The following NUP93 variants were observed in gnomAD, a reference collection of about 807,000 sequenced individuals.
NUP93 encodes nuclear pore complex protein Nup93.
In NUP93, 55 loss-of-function variants were observed where a neutral mutation model predicts 107.8. The observed-to-expected ratio is 0.51, with a 90% confidence interval of 0.41 to 0.64. The LOEUF (loss-of-function observed/expected upper bound fraction) is 0.64, where lower values mean the gene tolerates loss of function less well. Ranked by LOEUF, NUP93 falls within the 30% of genes least tolerant of loss-of-function variation. NUP93 has a pLI of 0.00. For missense variants in NUP93, 937 were observed against 1,044.7 expected, an observed-to-expected ratio of 0.90 and a Z score of 1.42; for synonymous variants, 390 against 397.5, an observed-to-expected ratio of 0.98 and a Z score of 0.22.
rs371478125 is a variant in NUP93 at position 56,833,406 on chromosome 16, C to T, written c.1537C>T (p.Leu513Phe). 3.0e-5 allele frequency: 45 copies of T among 1,520,398 alleles called. No individual in the cohort carries two copies. The highest frequency in any genetic ancestry group is 3.9e-5 in the Non-Finnish European group (45 of 1,141,484). 94.2% of individuals were successfully genotyped at this position (1,520,398 alleles called of 1,614,324 possible). The part of the protein sequence containing the change: ...LKSSGQSAQL[L>F]SHEPGDPPCL... ...GTCCTCTGGACAGAGTGCTCAGCTCCGTGAGTATTTGGGATTGGATTGACA... is the reference window on the plus strand; with the variant it reads ...GTCCTCTGGACAGAGTGCTCAGCTCTGTGAGTATTTGGGATTGGATTGACA... Residue 513 changes from leucine to phenylalanine, a missense_variant and splice_region_variant, in exon 13 of 22, where the codon CTC becomes TTC. Leu to Phe is a conservative substitution (Grantham distance 22). Coordinates refer to ENST00000308159, the MANE Select transcript of NUP93 (RefSeq NM_014669.5).
intron 3 of NUP93, among the ~76,000 whole-genome samples, chr16:56,779,927 GTCTTTGGGT>G (rs1962483007): frequency 6.6e-6 from 1 of 152,132 alleles, no homozygotes; most frequent in African/African-American, 2.4e-5. Flanking sequence ...CCACACTTGG[GTCTTTGGGT>G]TCTTTTCATC....
chr16:56,833,311 G>T lies in NUP93; in HGVS notation c.1442G>T (p.Arg481Leu). ...QFEAAVAFLF[R>L]MERLRCHAVH... ...GAAGCAGCAGTTGCCTTTCTTTTCCGCATGGAGCGGCTGCGCTGCCATGCT... is the reference window on the plus strand; with the variant it reads ...GAAGCAGCAGTTGCCTTTCTTTTCCTCATGGAGCGGCTGCGCTGCCATGCT... Residue 481 changes from arginine (R) to leucine (L), a missense_variant, in exon 13 of 22, where the codon CGC becomes CTC. Arg to Leu is a moderately radical substitution (Grantham distance 102). Transcript: ENST00000308159. 2.5e-6 allele frequency: 4 copies of T among 1,606,014 alleles called. No homozygotes were observed. The highest frequency in any genetic ancestry group is 1.3e-5 in the African/African-American group (1 of 74,434).
intron 1 of NUP93, among the ~76,000 whole-genome samples, chr16:56,743,431 C>G (rs183876995): frequency 6.6e-6 from 1 of 152,224 alleles, no homozygotes; most frequent in Non-Finnish European, 1.5e-5. Flanking sequence ...GTGGGTTTTA[C>G]TTTTTTCATT....
chr16:56,824,391 G>A (rs1963614804), intron 8 of NUP93, among the ~76,000 whole-genome samples: 1 of 152,182 alleles, frequency 6.6e-6, no homozygotes, highest in Admixed American at 6.5e-5. Context: ...TCACTGAGGG[G>A]TTTGTGGCAG....
chr16:56,737,826 T>A (rs1372628842), intron 1 of NUP93, among the ~76,000 whole-genome samples: 2 of 152,234 alleles, frequency 1.3e-5, no homozygotes, highest in Admixed American at 6.5e-5. Context: ...ACCCAGACTT[T>A]TGTTAGAATC....
rs747827211 is a variant in NUP93 at position 56,829,151 on chromosome 16, G to T, written c.927+42G>T. ...CTGTGTGATCAGTTACACCCCCAGA[G>T]CAGTTGCCCTCAGATGGGCATTTTC... On this transcript the variant is annotated intron_variant, in intron 9 of 21. Transcript: ENST00000308159. 6.5e-4 allele frequency: 1,037 copies of T among 1,588,500 alleles called. 11 individuals are homozygous for T. In the South Asian group the frequency reaches 0.01, roughly 16 times the overall value.
intron 16 of NUP93, 31 bp downstream of exon 16, chr16:56,834,809 C>T (rs1480088945): frequency 4.6e-6 from 7 of 1,524,846 alleles, no homozygotes; most frequent in Middle Eastern, 1.7e-4. Flanking sequence ...GAGAAATGTT[C>T]GTTAGCCATT....
Position 56,832,322 on chromosome 16 carries a change from G to A in NUP93, c.1279G>A (p.Gly427Ser), listed in dbSNP as rs145809568. 2 of 1,614,088 alleles carry A rather than the reference G, an allele frequency of 1.2e-6. No individual in the cohort carries two copies. The highest frequency in any genetic ancestry group is 1.7e-6 in the Non-Finnish European group (2 of 1,179,980). Residue 427 changes from glycine (G) to serine (S), a missense_variant, in exon 12 of 22, where the codon GGC (glycine) becomes AGC (serine). Coordinates refer to ENST00000308159, the MANE Select transcript of NUP93 (RefSeq NM_014669.5). ...KLNQVCFDDD[G>S]TSSPQDRLTL... ...GAACCAAGTGTGTTTTGACGACGATGGCACCAGCTCCCCACAAGACAGGCT... is the reference window on the plus strand; with the variant it reads ...GAACCAAGTGTGTTTTGACGACGATAGCACCAGCTCCCCACAAGACAGGCT...
At chr16:56,787,668 G>T (rs1169650569) in intron 3 of NUP93, among the ~76,000 whole-genome samples, 1 of 152,146 alleles carries the variant, frequency 6.6e-6, no homozygotes, top group East Asian at 1.9e-4. Flanking sequence ...CTTGTAGGGT[G>T]GGTTTCGGGA....
chr16:56,750,758 T>C (rs1183758933), intron 2 of NUP93, among the ~76,000 whole-genome samples: 1 of 152,212 alleles, frequency 6.6e-6, no homozygotes, highest in African/African-American at 2.4e-5. Context: ...TCATGTGCCC[T>C]GCAAAGCCTG....
chr16:56,794,054 CTAGATAGA>C (rs532631040), intron 3 of NUP93, among the ~76,000 whole-genome samples: 7 of 144,786 alleles, frequency 4.8e-5, no homozygotes, highest in African/African-American at 1.6e-4. Flanking sequence ...GACTCCATCT[CTAGATAGA>C]TAGATAGATA....
chr16:56,764,746 G>A (rs534547469), intron 3 of NUP93, among the ~76,000 whole-genome samples: 9 of 152,292 alleles, frequency 5.9e-5, no homozygotes, highest in East Asian at 1.9e-4. Flanking sequence ...ATTAATATGC[G>A]AATAGCTCTT....
At chr16:56,781,943 G>A in intron 3 of NUP93, 1 of 985,382 alleles carries the variant, frequency 1.0e-6, no homozygotes, top group Non-Finnish European at 1.2e-6. Flanking sequence ...TTTTTAAAGG[G>A]ACCCTGCAAT....
intron 1 of NUP93, among the ~76,000 whole-genome samples, chr16:56,731,490 C>T (rs1383389072): frequency 6.6e-6 from 1 of 151,924 alleles, no homozygotes; most frequent in Non-Finnish European, 1.5e-5. Context: ...TGACTGCAAC[C>T]TCTGCCTCCC....
chr16:56,777,343 C>A (rs1179157979), intron 3 of NUP93, among the ~76,000 whole-genome samples: 3 of 152,168 alleles, frequency 2.0e-5, no homozygotes, highest in African/African-American at 7.2e-5. Flanking sequence ...ATAGTCATAT[C>A]AAAGTCAGAA....
intron 18 of NUP93, among the ~76,000 whole-genome samples, chr16:56,838,276 G>A (rs554872054): frequency 1.3e-5 from 2 of 152,234 alleles, no homozygotes; most frequent in South Asian, 2.1e-4. Context: ...CCTTCCCGGG[G>A]TAACAAAAAA....
chr16:56,804,435 C>T (rs1396653498), intron 4 of NUP93, among the ~76,000 whole-genome samples: 1 of 152,184 alleles, frequency 6.6e-6, no homozygotes, highest in Non-Finnish European at 1.5e-5. Context: ...TGCTGATTGT[C>T]TCTGGCTTAT....
In NUP93 at chr16:56,748,381, C is replaced by G. The variant is rs771700263; in HGVS notation, c.134C>G (p.Ser45Cys). Residue 45 changes from serine to cysteine, a missense_variant, in exon 2 of 22, where the codon TCC becomes TGC. Ser to Cys is a moderately radical substitution (Grantham distance 112, BLOSUM62 -1). Coordinates refer to ENST00000308159, the MANE Select transcript of NUP93 (RefSeq NM_014669.5). Reference sequence around the variant, plus strand: ...CAGCAGGCGGGAGAGCGCCTGCGTTCCCGTACCCTAACACGCACGTCCCAG... The same window carrying G: ...CAGCAGGCGGGAGAGCGCCTGCGTTGCCGTACCCTAACACGCACGTCCCAG... Reference protein sequence around the residue: ...EIQQAGERLRSRTLTRTSQET... With the variant: ...EIQQAGERLRCRTLTRTSQET... 1 of 1,613,956 alleles carries G rather than the reference C, an allele frequency of 6.2e-7. No homozygotes were observed. The highest frequency in any genetic ancestry group is 8.5e-7 in the Non-Finnish European group (1 of 1,180,000).
At chr16:56,740,117 C>T (rs1190622328) in intron 1 of NUP93, among the ~76,000 whole-genome samples, 37 of 123,458 alleles carry the variant, frequency 3.0e-4, no homozygotes, top group East Asian at 8.5e-4. Flanking sequence ...GCTGGCCAGG[C>T]GGGGGGCTGA....
Sources: allele counts gnomAD v4.1 joint callset (sites outside exome capture counted in the v4.1 genomes callset), GRCh38; gene constraint gnomAD v4.1.1; transcripts MANE v1.5; gene names NCBI Gene and HGNC (gene_info 2026-07-23, HGNC 2026-07-21).